PPFIBP1: variants seen among roughly 807,000 people sequenced by gnomAD.
PPFIBP1 encodes the protein liprin-beta-1.
In PPFIBP1, 112 loss-of-function variants were observed where a neutral mutation model predicts 137.8. The ratio of observed to expected loss-of-function variants is 0.81; its 90% confidence interval spans 0.70 to 0.95. The LOEUF (loss-of-function observed/expected upper bound fraction) is 0.95. Ranked by LOEUF, PPFIBP1 falls within the 40% of genes least tolerant of loss-of-function variation. The pLI, the probability that PPFIBP1 is intolerant of heterozygous loss-of-function variation, is 0.00. For missense variants in PPFIBP1, 1,083 were observed against 1,196.6 expected (o/e 0.91, Z 1.40); for synonymous variants, 378 against 417.3 (o/e 0.91, Z 1.15).
At chr12:27,652,040 A>G (rs1428340970) in intron 7 of PPFIBP1, among the ~76,000 whole-genome samples, 3 of 152,232 alleles carry the variant, frequency 2.0e-5, no homozygotes, top group Non-Finnish European at 4.4e-5. Flanking sequence ...CATATGTGGT[A>G]AACTTTGTGA....
At chr12:27,599,771 G>C (rs1045573712) in intron 2 of PPFIBP1, among the ~76,000 whole-genome samples, 2 of 152,198 alleles carry the variant, frequency 1.3e-5, no homozygotes, top group African/African-American at 4.8e-5. Flanking sequence ...TCTCAATCAT[G>C]AGAAAATATC....
chr12:27,615,141 C>G (rs1039846772), intron 2 of PPFIBP1, among the ~76,000 whole-genome samples: 7 of 152,090 alleles, frequency 4.6e-5, no homozygotes, highest in Non-Finnish European at 8.8e-5. Flanking sequence ...CTCTTTAGAC[C>G]CCGAAAGCCT....
Position 27,679,474 on chromosome 12 carries a change from C to T in PPFIBP1, c.1616-15C>T, listed in dbSNP as rs768103891. ...TATTTTAAAATTCATTGTCTGCATT[C>T]TGCTCTTGGAGTAGCTGAAACAGAA... is the stretch of plus-strand genomic sequence containing the variant. On this transcript the variant is annotated splice_polypyrimidine_tract_variant and intron_variant, in intron 19 of 29. Transcript: ENST00000228425. 2 of 1,599,600 alleles carry T rather than the reference C, an allele frequency of 1.3e-6. No individual in the cohort carries two copies. The highest frequency in any genetic ancestry group is 1.7e-6 in the Non-Finnish European group (2 of 1,175,486).
intron 1 of PPFIBP1, among the ~76,000 whole-genome samples, chr12:27,557,304 C>T (rs1441950429): frequency 4.7e-5 from 7 of 149,026 alleles, no homozygotes; most frequent in African/African-American, 1.5e-4. Context: ...AGCGAGATCT[C>T]GGCTCTCTGC....
At chr12:27,655,189 T>A (rs1404498455) in intron 8 of PPFIBP1, 1 of 1,535,996 alleles carries the variant, frequency 6.5e-7, no homozygotes, top group Admixed American at 2.0e-5. Flanking sequence ...GTGGGTCAGA[T>A]GCAGTATGAA....
chr12:27,551,883 G>A (rs567624086), intron 1 of PPFIBP1, among the ~76,000 whole-genome samples: 2 of 152,206 alleles, frequency 1.3e-5, no homozygotes, highest in Non-Finnish European at 2.9e-5. Flanking sequence ...TTGACAGACT[G>A]TGGTTCATAA....
chr12:27,583,124 C>T (rs1297762080), intron 2 of PPFIBP1, among the ~76,000 whole-genome samples: 2 of 152,200 alleles, frequency 1.3e-5, no homozygotes, highest in Non-Finnish European at 2.9e-5. Flanking sequence ...TGTAACTTTT[C>T]TTGCTCTTGA....
At chr12:27,679,420 C>G (rs2060751751) in intron 19 of PPFIBP1, 69 bp from the exon 20 acceptor site, 1 of 1,444,158 alleles carries the variant, frequency 6.9e-7, no homozygotes, top group South Asian at 1.3e-5. Context: ...AGTTCTAGAA[C>G]CAAGAAGATT....
chr12:27,646,508 A>C (rs1245647816), intron 5 of PPFIBP1, among the ~76,000 whole-genome samples: 1 of 151,064 alleles, frequency 6.6e-6, no homozygotes, highest in African/African-American at 2.4e-5. Context: ...CCTCCCAAGT[A>C]GCTGGGATTA....
At chr12:27,647,441 T>C (rs7138224) in intron 5 of PPFIBP1, among the ~76,000 whole-genome samples, 110,967 of 152,170 alleles carry the variant, frequency 0.73, 41,887 homozygotes, top group African/African-American at 0.86. Context: ...ATAACTTCTG[T>C]ACATGCTGTC....
intron 1 of PPFIBP1, among the ~76,000 whole-genome samples, chr12:27,553,052 A>C (rs1010651716): frequency 6.6e-6 from 1 of 152,168 alleles, no homozygotes; most frequent in African/African-American, 2.4e-5. Flanking sequence ...AAGTGCACGC[A>C]GAGGCCTAGG....
chr12:27,620,207 G>A (rs1314481444), intron 2 of PPFIBP1, among the ~76,000 whole-genome samples: 1 of 152,092 alleles, frequency 6.6e-6, no homozygotes, highest in African/African-American at 2.4e-5. Context: ...GTCATTCCTT[G>A]GCTCAGAACC....
At chr12:27,593,278 G>T in intron 2 of PPFIBP1, 1 of 253,740 alleles carries the variant, frequency 3.9e-6, no homozygotes, top group South Asian at 4.4e-5. Flanking sequence ...TCCTTTCTTC[G>T]TTGTCTGTCT....
chr12:27,610,155 A>C (rs2054942680), intron 2 of PPFIBP1, among the ~76,000 whole-genome samples: 1 of 152,176 alleles, frequency 6.6e-6, no homozygotes, highest in Non-Finnish European at 1.5e-5. Context: ...TTTGCTTCCA[A>C]ATTAAAACAG....
chr12:27,580,409 C>T (rs550707065), intron 2 of PPFIBP1, among the ~76,000 whole-genome samples: 1 of 152,316 alleles, frequency 6.6e-6, no homozygotes, highest in African/African-American at 2.4e-5. Context: ...GTCTCGTGAC[C>T]TTTCTGGATC....
At chr12:27,607,373 A>T (rs376667584) in intron 2 of PPFIBP1, among the ~76,000 whole-genome samples, 1 of 152,230 alleles carries the variant, frequency 6.6e-6, no homozygotes, top group East Asian at 1.9e-4. Flanking sequence ...AAGCAGCTGC[A>T]CTTAGATATG....
intron 2 of PPFIBP1, among the ~76,000 whole-genome samples, chr12:27,611,426 G>T (rs2055097284): frequency 6.6e-6 from 1 of 152,080 alleles, no homozygotes; most frequent in African/African-American, 2.4e-5. Flanking sequence ...TTTTTATAAG[G>T]ATTCCAGTCA....
intron 1 of PPFIBP1, among the ~76,000 whole-genome samples, chr12:27,558,697 TA>T (rs2048913476): frequency 6.6e-6 from 1 of 152,050 alleles, no homozygotes; most frequent in African/African-American, 2.4e-5. Context: ...AGTGGAAGCA[TA>T]AAGAATGGTG....
intron 1 of PPFIBP1, among the ~76,000 whole-genome samples, chr12:27,540,507 A>G (rs574130847): frequency 1.3e-5 from 2 of 152,082 alleles, no homozygotes; most frequent in East Asian, 3.9e-4. Context: ...TTGGGATTAC[A>G]GGCATGGGCT....
Sources: allele counts gnomAD v4.1 joint callset (sites outside exome capture counted in the v4.1 genomes callset), GRCh38; gene constraint gnomAD v4.1.1; transcripts MANE v1.5; gene names NCBI Gene and HGNC (gene_info 2026-07-23, HGNC 2026-07-21).